Variants in PCDH15 observed in about 807,000 individuals in gnomAD.
The protein encoded by PCDH15 is protocadherin related 15.
In PCDH15, 129 loss-of-function variants were observed where a neutral mutation model predicts 178.5. The observed-to-expected ratio is 0.72, with a 90% CI of 0.63 to 0.84. PCDH15 has a LOEUF of 0.84. Among genes scored for constraint, PCDH15 ranks in the 40% least tolerant of loss-of-function variants. The pLI is 0.00. For missense variants in PCDH15, 2,230 were observed against 2,099.9 expected (o/e 1.06, Z -1.21); for synonymous variants, 800 against 732.0 (o/e 1.09, Z -1.50).
At chr10:55,561,941 T>G (rs896886303) in intron 2 of PCDH15, among the ~76,000 whole-genome samples, 1 of 151,948 alleles carries the variant, frequency 6.6e-6, no homozygotes, top group Non-Finnish European at 1.5e-5. Context: ...GTTTTATGAT[T>G]TTTTAGTCTG....
chr10:54,276,365 T>C (rs11004197), intron 8 of PCDH15, among the ~76,000 whole-genome samples: 73,182 of 150,896 alleles, frequency 0.48, 18,759 homozygotes, highest in Non-Finnish European at 0.58. Flanking sequence ...AAAGAGAAAA[T>C]CCAACTGAAT....
At chr10:54,803,170 T>A (rs1015967970), upstream of PCDH15, among the ~76,000 whole-genome samples, 5 of 152,194 alleles carry the variant, frequency 3.3e-5, no homozygotes, top group Non-Finnish European at 7.4e-5. Flanking sequence ...CATTGTAAAG[T>A]CCACTTGAAT....
At chr10:55,602,202 C>A (rs532687112) in intron 2 of PCDH15, among the ~76,000 whole-genome samples, 84 of 152,270 alleles carry the variant, frequency 5.5e-4, no homozygotes, top group African/African-American at 1.9e-3. Context: ...CAGCACACCA[C>A]GAGATTATAC....
At chr10:55,204,294 G>T (rs1044130816) in intron 1 of PCDH15, among the ~76,000 whole-genome samples, 15 of 149,498 alleles carry the variant, frequency 1.0e-4, no homozygotes, top group Non-Finnish European at 2.1e-4. Flanking sequence ...TGAATTTTAT[G>T]TATATATACA....
intron 23 of PCDH15, among the ~76,000 whole-genome samples, chr10:53,950,535 T>C (rs1303348987): frequency 6.6e-6 from 1 of 152,198 alleles, no homozygotes; most frequent in African/African-American, 2.4e-5. Context: ...TGTAATATAA[T>C]GCATTTCCCA....
chr10:55,512,392 C>T (rs552816879), intron 2 of PCDH15, among the ~76,000 whole-genome samples: 15 of 152,044 alleles, frequency 9.9e-5, no homozygotes, highest in Non-Finnish European at 1.8e-4. Flanking sequence ...CTAGAATGCA[C>T]TTCCACACAG....
chr10:54,645,404 T>C (rs893466540), intron 2 of PCDH15, among the ~76,000 whole-genome samples: 1 of 151,524 alleles, frequency 6.6e-6, no homozygotes, highest in African/African-American at 2.4e-5. Flanking sequence ...AGAATGGAGA[T>C]AGAATAACAC....
chr10:54,022,875 T>C lies in PCDH15; in HGVS notation c.2526+17A>G, dbSNP rs1380502242. On this transcript the variant is annotated intron_variant, in intron 19 of 37. Coordinates refer to ENST00000644397, the MANE Select transcript of PCDH15 (RefSeq NM_001384140.1). Reference sequence around the variant, plus strand: ...CCTAATGTAGGATTCATGTAATAAATGCTTTTTCCCACACACCTCTATTTG... The same window carrying C: ...CCTAATGTAGGATTCATGTAATAAACGCTTTTTCCCACACACCTCTATTTG... 5 of 1,613,208 alleles carry C rather than the reference T, an allele frequency of 3.1e-6. No individual in the cohort carries two copies. The Admixed American group carries it at 8.3e-5, about 27-fold the overall frequency.
chr10:54,153,325 T>C (rs1564546943), intron 13 of PCDH15, 32 bp from the exon 14 acceptor site: 3 of 1,612,152 alleles, frequency 1.9e-6, no homozygotes, highest in Non-Finnish European at 2.5e-6. Flanking sequence ...TAAATCCTCT[T>C]GGGTCTCAAC....
At chr10:54,149,607 G>C (rs2044314933) in intron 14 of PCDH15, among the ~76,000 whole-genome samples, 1 of 152,284 alleles carries the variant, frequency 6.6e-6, no homozygotes, top group African/African-American at 2.4e-5. Context: ...CCTACCTGTA[G>C]TGATAGCTGA....
At chr10:54,098,225 T>C (rs1590402450) in intron 15 of PCDH15, among the ~76,000 whole-genome samples, 1 of 148,502 alleles carries the variant, frequency 6.7e-6, no homozygotes, top group South Asian at 2.1e-4. Flanking sequence ...TGTGTGTGTG[T>C]GTGTGTGTCC....
chr10:54,562,782 T>G (rs1438628488), intron 2 of PCDH15, among the ~76,000 whole-genome samples: 2 of 152,106 alleles, frequency 1.3e-5, no homozygotes, highest in Non-Finnish European at 2.9e-5. Flanking sequence ...TAACTCTTTA[T>G]ATATAGCACG....
intron 2 of PCDH15, among the ~76,000 whole-genome samples, chr10:55,125,801 A>G (rs1250423492): frequency 1.3e-5 from 2 of 151,808 alleles, no homozygotes; most frequent in South Asian, 2.1e-4. Flanking sequence ...TCCCCATATT[A>G]ATGAAGCATA....
intron 1 of PCDH15, among the ~76,000 whole-genome samples, chr10:55,168,187 G>A (rs1351480310): frequency 2.6e-5 from 4 of 152,002 alleles, no homozygotes; most frequent in Non-Finnish European, 5.9e-5. Context: ...ACAAATTATG[G>A]ATGAGGTGTG....
intron 2 of PCDH15, among the ~76,000 whole-genome samples, chr10:55,158,937 A>G (rs1838977214): frequency 1.6e-5 from 1 of 61,968 alleles, no homozygotes; most frequent in Admixed American, 1.9e-4. Context: ...AGAAGTGCTA[A>G]AGTGTTTTGC....
Position 55,526,519 on chromosome 10 carries a change from C to T in PCDH15, c.-156+101106G>A, listed in dbSNP as rs1251650148. Among the ~76,000 whole-genome samples, 4 of 151,868 alleles carry T rather than the reference C, an allele frequency of 2.6e-5. No individual in the cohort carries two copies. The East Asian group carries it at 7.7e-4, about 29-fold the overall frequency. On this transcript the variant is annotated intron_variant, in intron 2 of 5. Transcript: ENST00000613346. The stretch of plus-strand genomic sequence containing the variant: ...CAAGGCTTCCTTTTAATACTTTTTT[C>T]TTTAGCACAACACCTTATTGTGAGA...
chr10:55,140,033 A>C (rs1042253303), intron 2 of PCDH15, among the ~76,000 whole-genome samples: 2 of 151,894 alleles, frequency 1.3e-5, no homozygotes, highest in Non-Finnish European at 2.9e-5. Flanking sequence ...GAATGATTTC[A>C]AATAGTTCAT....
At chr10:55,138,792 C>T (rs911459726) in intron 2 of PCDH15, among the ~76,000 whole-genome samples, 1 of 152,088 alleles carries the variant, frequency 6.6e-6, no homozygotes, top group Non-Finnish European at 1.5e-5. Flanking sequence ...ATACCATCAA[C>T]CTGCGGTCAA....
chr10:55,485,893 A>T (rs1482211962), intron 2 of PCDH15, among the ~76,000 whole-genome samples: 2 of 151,700 alleles, frequency 1.3e-5, no homozygotes, highest in African/African-American at 2.4e-5. Context: ...AACTTCGATA[A>T]CCATAGTCAG....
Sources: allele counts gnomAD v4.1 joint callset (sites outside exome capture counted in the v4.1 genomes callset), GRCh38; gene constraint gnomAD v4.1.1; transcripts MANE v1.5; gene names NCBI Gene and HGNC (gene_info 2026-07-23, HGNC 2026-07-21).